Variants in TSPAN9 observed in about 807,000 individuals in gnomAD.
The protein encoded by TSPAN9 is tetraspanin-9.
A neutral mutation model predicts 31.0 loss-of-function variants in TSPAN9; 16 were observed. The observed-to-expected ratio is 0.52, with a 90% CI of 0.35 to 0.78. TSPAN9 has a LOEUF of 0.78. Ranked by LOEUF, TSPAN9 falls within the 30% of genes least tolerant of loss-of-function variation. The pLI is 0.01. For synonymous variants in TSPAN9, 145 were observed against 121.6 expected, an observed-to-expected ratio of 1.19 and a Z score of -1.27; for missense variants, 272 against 312.5, an observed-to-expected ratio of 0.87 and a Z score of 0.98.
chr12:3,142,841 A>AT (rs2098335514), intron 2 of TSPAN9, among the ~76,000 whole-genome samples: 1 of 152,190 alleles, frequency 6.6e-6, no homozygotes, highest in Non-Finnish European at 1.5e-5. Context: ...TTAACAATAG[A>AT]TTTTATTTAG....
chr12:3,121,626 C>CA (rs2098325208), intron 2 of TSPAN9, among the ~76,000 whole-genome samples: 1 of 138,084 alleles, frequency 7.2e-6, no homozygotes, highest in African/African-American at 2.7e-5. Flanking sequence ...GATCCTCCTG[C>CA]CTTGGCCTCC....
chr12:3,159,297 G>A (rs1304229532), intron 2 of TSPAN9, among the ~76,000 whole-genome samples: 1 of 151,612 alleles, frequency 6.6e-6, no homozygotes, highest in Admixed American at 6.6e-5. Context: ...GACCTTGTCT[G>A]GGTCCGTCTC....
chr12:3,179,528 G>A (rs768867998), intron 2 of TSPAN9, among the ~76,000 whole-genome samples: 74 of 152,314 alleles, frequency 4.9e-4, no homozygotes, highest in Admixed American at 3.9e-3. Context: ...GCAGGAGGTG[G>A]TGTCTACTCT....
intron 3 of TSPAN9, among the ~76,000 whole-genome samples, chr12:3,203,150 C>T (rs190862617): frequency 6.6e-6 from 1 of 152,142 alleles, no homozygotes; most frequent in East Asian, 1.9e-4. Flanking sequence ...TCCTCCCCAC[C>T]CCCACCCTGC....
chr12:3,263,285 C>T (rs543128388), intron 3 of TSPAN9, among the ~76,000 whole-genome samples: 1 of 152,314 alleles, frequency 6.6e-6, no homozygotes, highest in East Asian at 1.9e-4. Flanking sequence ...AACCAAGGCT[C>T]AGAGGAGTGA....
intron 3 of TSPAN9, among the ~76,000 whole-genome samples, chr12:3,208,763 A>T (rs2098376662): frequency 6.6e-6 from 1 of 152,254 alleles, no homozygotes; most frequent in Admixed American, 6.5e-5. Flanking sequence ...TATGAAATAG[A>T]GGACTTTCTA....
At chr12:3,277,741 G>A (rs1455604778) in intron 3 of TSPAN9, among the ~76,000 whole-genome samples, 4 of 152,200 alleles carry the variant, frequency 2.6e-5, no homozygotes, top group African/African-American at 9.7e-5. Flanking sequence ...TTGCTTTTCG[G>A]TTTGGGGGCC....
chr12:3,250,495 G>A lies in TSPAN9; in HGVS notation c.64-27926G>A, dbSNP rs547772993. Among the ~76,000 whole-genome samples the A allele has an allele frequency of 2.0e-4, 31 of 152,302 alleles. No individual in the cohort carries two copies. In the South Asian group the frequency reaches 6.2e-3, roughly 31 times the overall value. On this transcript the variant is annotated intron_variant, in intron 3 of 8. Coordinates refer to ENST00000011898, the MANE Select transcript of TSPAN9 (RefSeq NM_006675.5). ...CTCTTGGGTGTCTGGTGTATTTCAT[G>A]TGTGAGAATGAGTCTCCCCAGAAGA...
intron 2 of TSPAN9, among the ~76,000 whole-genome samples, chr12:3,155,604 A>AT (rs1565595547): frequency 6.6e-6 from 1 of 151,680 alleles, no homozygotes; most frequent in Admixed American, 6.6e-5. Context: ...TTTAAAAAAA[A>AT]AAAAATAAAG....
Position 3,143,361 on chromosome 12 carries a change from C to G in TSPAN9, c.-17-57816C>G, listed in dbSNP as rs1180776164. ...CTTTGAAACTGTCCTGGTTTTTTCTCAAACCTTTGCTCACTAATTTTAGCA... is the reference window on the plus strand; with the variant it reads ...CTTTGAAACTGTCCTGGTTTTTTCTGAAACCTTTGCTCACTAATTTTAGCA... On this transcript the variant is annotated intron_variant, in intron 2 of 8. Coordinates refer to ENST00000011898, the MANE Select transcript of TSPAN9 (RefSeq NM_006675.5). This position sits in a 1 kb window ranked among gnomAD's most constrained non-coding sequence, Gnocchi z 4.2. 6.6e-6 allele frequency among the ~76,000 whole-genome samples: 1 copy of G among 150,464 alleles called. No homozygotes were observed. Among genetic ancestry groups the G allele is most frequent in the African/African-American group, 2.5e-5 (1 of 40,686 alleles).
chr12:3,216,100 A>G (rs1025646013), intron 3 of TSPAN9, among the ~76,000 whole-genome samples: 7 of 152,114 alleles, frequency 4.6e-5, no homozygotes, highest in African/African-American at 1.7e-4. Context: ...TGGGCTGGGA[A>G]GTAACCTCAG....
At chr12:3,247,528 A>G (rs1419205550) in intron 3 of TSPAN9, among the ~76,000 whole-genome samples, 1 of 152,160 alleles carries the variant, frequency 6.6e-6, no homozygotes, top group East Asian at 1.9e-4. Flanking sequence ...GACATGGGCG[A>G]GGGAAGACAC....
intron 1 of TSPAN9, among the ~76,000 whole-genome samples, chr12:3,078,748 C>G (rs1326688454): frequency 1.3e-5 from 2 of 150,816 alleles, no homozygotes; most frequent in African/African-American, 4.9e-5. Flanking sequence ...CTGAAGACGC[C>G]CTGTGTGCAA....
chr12:3,080,627 C>T lies in TSPAN9; in HGVS notation c.-84-3026C>T, dbSNP rs142945229. On this transcript the variant is annotated intron_variant, in intron 1 of 8. Transcript: ENST00000011898. ...CTGGGATTACAAGCATGAGCCACCG[C>T]GCCTGGCAAATGTAAAATCTTAAGT... 4.9e-3 allele frequency among the ~76,000 whole-genome samples: 750 copies of T among 152,290 alleles called. 3 individuals carry two copies. The highest frequency in any genetic ancestry group is 9.3e-3 in the South Asian group (45 of 4,826).
intron 2 of TSPAN9, among the ~76,000 whole-genome samples, chr12:3,135,408 G>A (rs1383415742): frequency 6.6e-6 from 1 of 152,060 alleles, no homozygotes; most frequent in African/African-American, 2.4e-5. Context: ...TTTGTTACAG[G>A]GGTGTATGAG....
chr12:3,265,230 C>T (rs143919160), intron 3 of TSPAN9, among the ~76,000 whole-genome samples: 8 of 152,308 alleles, frequency 5.3e-5, no homozygotes, highest in Admixed American at 2.6e-4. Context: ...TCTGAAACTC[C>T]GCATCCTTGT....
intron 3 of TSPAN9, among the ~76,000 whole-genome samples, chr12:3,244,614 G>A (rs1430818476): frequency 3.9e-5 from 6 of 152,198 alleles, no homozygotes; most frequent in Admixed American, 3.9e-4. Flanking sequence ...CGCGCTGCAG[G>A]CAGACAGCGA....
intron 3 of TSPAN9, among the ~76,000 whole-genome samples, chr12:3,240,153 A>G (rs1257627380): frequency 6.6e-6 from 1 of 151,806 alleles, no homozygotes; most frequent in African/African-American, 2.4e-5. Context: ...TATTTCCTCT[A>G]CTTTCACCCC....
Position 3,123,074 on chromosome 12 carries a change from C to T in TSPAN9, c.-18+39355C>T, listed in dbSNP as rs923553125. Among the ~76,000 whole-genome samples the T allele has an allele frequency of 3.3e-5, 5 of 152,156 alleles. 1 individual carries two copies. Among genetic ancestry groups the T allele is most frequent in the Non-Finnish European group, 7.3e-5 (5 of 68,028 alleles). The stretch of plus-strand genomic sequence containing the variant: ...CAGGGAGCCCTGGTGGAGCTTGAGG[C>T]TTCCTGCATTTAGTGTTGGTCTGTC... On this transcript the variant is annotated intron_variant, in intron 2 of 8. Coordinates refer to ENST00000011898, the MANE Select transcript of TSPAN9 (RefSeq NM_006675.5).
Sources: gnomAD v4.1 joint callset for allele counts (sites outside exome capture counted in the v4.1 genomes callset) on GRCh38, gnomAD v4.1.1 for gene constraint, Gnocchi (gnomAD v3.1) non-coding constraint, MANE v1.5 for transcripts, NCBI Gene and HGNC (gene_info 2026-07-23, HGNC 2026-07-21) for gene names.